ZDHHC11: variants seen among roughly 807,000 people sequenced by gnomAD.
ZDHHC11 encodes the protein palmitoyltransferase ZDHHC11.
In ZDHHC11, 44 loss-of-function variants were observed where a neutral mutation model predicts 51.3. That is an observed-to-expected ratio of 0.86 (90% CI 0.67 to 1.10). The LOEUF (loss-of-function observed/expected upper bound fraction) is 1.10. ZDHHC11 is among the 50% of genes least tolerant of loss of function. The pLI is 0.00. For synonymous variants in ZDHHC11, 163 were observed against 222.0 expected, an observed-to-expected ratio of 0.73 and a Z score of 2.36; for missense variants, 400 against 537.7, an observed-to-expected ratio of 0.74 and a Z score of 2.53.
At chr5:809,010 C>CAG (rs1739714195) in intron 11 of ZDHHC11, among the ~76,000 whole-genome samples, 2 of 137,228 alleles carry the variant, frequency 1.5e-5, no homozygotes, top group African/African-American at 2.7e-5. Flanking sequence ...CACACACACA[C>CAG]ACACGCACAC....
chr5:809,459 G>A (rs1024331654), intron 11 of ZDHHC11, among the ~76,000 whole-genome samples: 1 of 149,464 alleles, frequency 6.7e-6, no homozygotes, highest in Non-Finnish European at 1.5e-5. Context: ...TTCAGAACAC[G>A]CATGTGAGTG....
At chr5:809,543 A>G (rs1382711857) in intron 11 of ZDHHC11, among the ~76,000 whole-genome samples, 1 of 149,788 alleles carries the variant, frequency 6.7e-6, no homozygotes, top group Non-Finnish European at 1.5e-5. Context: ...AGGGGCTCTC[A>G]TCAGACACCG....
At chr5:816,416 A>G in intron 10 of ZDHHC11, 1 of 431,718 alleles carries the variant, frequency 2.3e-6, no homozygotes, top group Non-Finnish European at 4.6e-6. Context: ...CGGGGGTTCC[A>G]GCTGCGGGAC....
intron 11 of ZDHHC11, among the ~76,000 whole-genome samples, chr5:812,458 TA>T (rs1372293641): frequency 6.6e-6 from 1 of 151,476 alleles, no homozygotes; most frequent in Non-Finnish European, 1.5e-5. Context: ...TGTGAAACGG[TA>T]AAAAAGAGAA....
intron 4 of ZDHHC11, chr5:841,750 A>G: frequency 1.0e-6 from 1 of 993,868 alleles, no homozygotes; most frequent in Non-Finnish European, 1.2e-6. Context: ...CACACTTCCA[A>G]AAATCAGGCG....
chr5:848,937 C>T (rs1227976848), intron 1 of ZDHHC11, among the ~76,000 whole-genome samples: 2 of 151,732 alleles, frequency 1.3e-5, no homozygotes, highest in Non-Finnish European at 2.9e-5. Flanking sequence ...GCACAGCCAG[C>T]CCTGCACACC....
chr5:837,661 T>A lies in ZDHHC11; in HGVS notation c.785-181A>T, dbSNP rs446967. On this transcript the variant is annotated intron_variant, in intron 5 of 12. Coordinates refer to ENST00000283441, the MANE Select transcript of ZDHHC11 (RefSeq NM_024786.3). Reference sequence around the variant, plus strand: ...GAGTGCAGGTGCCTTGTGGGCCCAGTTCTGCAGCTAGCTGATGGTCAGCAG... The same window carrying A: ...GAGTGCAGGTGCCTTGTGGGCCCAGATCTGCAGCTAGCTGATGGTCAGCAG... Among the ~76,000 whole-genome samples, 9 of 151,350 alleles carry A rather than the reference T, an allele frequency of 5.9e-5. 1 individual carries two copies. The highest frequency in any genetic ancestry group is 2.2e-4 in the African/African-American group (9 of 41,216).
chr5:820,068 G>A (rs940207348), intron 9 of ZDHHC11, among the ~76,000 whole-genome samples: 12 of 151,338 alleles, frequency 7.9e-5, no homozygotes, highest in African/African-American at 2.4e-4. Flanking sequence ...ACATATACAT[G>A]TCGATTTGGC....
intron 1 of ZDHHC11, among the ~76,000 whole-genome samples, chr5:849,314 C>G (rs1579807651): frequency 1.3e-5 from 2 of 152,256 alleles, no homozygotes; most frequent in East Asian, 3.9e-4. Flanking sequence ...AGCACAGTGA[C>G]CCCAAAACCC....
intron 3 of ZDHHC11, 118 bp downstream of exon 3, chr5:847,396 G>T: frequency 6.7e-7 from 1 of 1,483,204 alleles, no homozygotes. Context: ...TCAGGACAGG[G>T]ACGCGGCCCC....
Position 850,725 on chromosome 5 carries a change from G to T in ZDHHC11, c.-123C>A. On this transcript the variant is annotated 5_prime_UTR_variant, in exon 1 of 13. Transcript: ENST00000283441. ...CCAGGACCAGCACTGACAGCCAATG[G>T]CCCAGCACTGCCTGGGGCCACGTTC... The T allele has an allele frequency of 8.3e-7, 1 of 1,197,670 alleles. No homozygotes were observed. Among genetic ancestry groups the T allele is most frequent in the Non-Finnish European group, 1.2e-6 (1 of 855,146 alleles). 74.2% of individuals were successfully genotyped at this position (1,197,670 alleles called of 1,614,324 possible).
chr5:843,946 GCA>G (rs1745615183), intron 3 of ZDHHC11, among the ~76,000 whole-genome samples: 2 of 86,250 alleles, frequency 2.3e-5, no homozygotes, highest in African/African-American at 3.2e-4. Flanking sequence ...GCGGGGGCAT[GCA>G]GGGCAGGTGG....
intron 5 of ZDHHC11, chr5:840,010 C>T (rs1383739160): frequency 3.5e-5 from 20 of 577,180 alleles, no homozygotes; most frequent in African/African-American, 2.6e-4. Context: ...GACCGCCTAC[C>T]GCTGTGCCCA....
rs1737517794 is a variant in ZDHHC11, at chr5:795,976, C to CTGTATGCCCATTTCCCAGTAG, written c.*611_*612insCTACTGGGAAATGGGCATACA. The CTGTATGCCCATTTCCCAGTAG allele has an allele frequency of 1.3e-5, 2 of 154,212 alleles. No individual in the cohort carries two copies. The highest frequency in any genetic ancestry group is 3.8e-4 in the East Asian group (2 of 5,306). 9.6% of individuals were successfully genotyped at this position (154,212 alleles called of 1,614,324 possible). A position where few individuals can be genotyped will look rare whatever the true frequency, so the allele number is the denominator to read the frequency against. ...AGTACTGTATGCCCATTTCCCAGTA[C>CTGTATGCCCATTTCCCAGTAG]TGTGCTCCCATTTCTCAGTAGTGTA... On this transcript the variant is annotated 3_prime_UTR_variant, in exon 13 of 13. Coordinates refer to ENST00000283441, the MANE Select transcript of ZDHHC11 (RefSeq NM_024786.3).
intron 6 of ZDHHC11, among the ~76,000 whole-genome samples, chr5:836,873 G>A (rs367915548): frequency 3.3e-4 from 50 of 149,524 alleles, no homozygotes; most frequent in African/African-American, 1.0e-3. Flanking sequence ...CCAGCCTGGC[G>A]TGTTAAAACC....
At chr5:825,045 A>C (rs1807037) in intron 8 of ZDHHC11, 119 bp downstream of exon 8, 250,226 of 880,638 alleles carry the variant, frequency 0.28, 35,794 homozygotes, top group African/African-American at 0.76. Context: ...GAGCAGCACC[A>C]TTGGACACAG....
chr5:850,512 C>T lies in ZDHHC11; in HGVS notation c.91G>A (p.Val31Met), dbSNP rs1227552963. Residue 31 changes from valine (V) to methionine (M), a missense_variant, in exon 1 of 13, where the codon GTG (valine) becomes ATG (methionine). Coordinates refer to ENST00000283441, the MANE Select transcript of ZDHHC11 (RefSeq NM_024786.3). The stretch of plus-strand genomic sequence containing the variant: ...TGCAGGGGTAACGACCAGCCGTTCA[C>T]TCTGGAGATGCGGGGCGGCAAGACC... ...KLVLPPRISR[V>M]NGWSLPLHYF... The T allele has an allele frequency of 6.2e-7, 1 of 1,613,774 alleles. No individual in the cohort carries two copies.
At chr5:850,295 C>A (rs1436441676) in intron 1 of ZDHHC11, 86 bp downstream of exon 1, 2 of 1,470,798 alleles carry the variant, frequency 1.4e-6, no homozygotes, top group Admixed American at 4.0e-5. Flanking sequence ...CACCGGGCAG[C>A]CATGGCCCAG....
chr5:822,420 C>T (rs1741686383), intron 8 of ZDHHC11, among the ~76,000 whole-genome samples: 1 of 151,556 alleles, frequency 6.6e-6, no homozygotes, highest in East Asian at 1.9e-4. Context: ...TGCAACACCC[C>T]ATCCATGGTT....
Sources: gnomAD v4.1 joint callset for allele counts (sites outside exome capture counted in the v4.1 genomes callset) on GRCh38, gnomAD v4.1.1 for gene constraint, MANE v1.5 for transcripts, NCBI Gene and HGNC (gene_info 2026-07-23, HGNC 2026-07-21) for gene names.